Variants in CLOCK observed in about 807,000 individuals in gnomAD.
CLOCK encodes circadian locomoter output cycles protein kaput.
A neutral mutation model predicts 118.4 loss-of-function variants in CLOCK; 43 were observed. The observed-to-expected ratio is 0.36, with a 90% CI of 0.28 to 0.47. The LOEUF (loss-of-function observed/expected upper bound fraction) is 0.47. CLOCK is among the 20% of genes least tolerant of loss of function. The probability of loss-of-function intolerance (pLI) is 1.00; values close to 1 mark genes in which losing one functional copy is unlikely to be tolerated. For missense variants in CLOCK, 846 were observed against 999.9 expected, an observed-to-expected ratio of 0.85 and a Z score of 2.08; for synonymous variants, 326 against 339.2, an observed-to-expected ratio of 0.96 and a Z score of 0.43.
intron 18 of CLOCK, among the ~76,000 whole-genome samples, chr4:55,445,992 G>C (rs1723808921): frequency 2.0e-5 from 3 of 151,604 alleles, no homozygotes; most frequent in Non-Finnish European, 4.4e-5. Context: ...CAAATTTCTG[G>C]TATGCTTCTG....
intron 1 of CLOCK, among the ~76,000 whole-genome samples, chr4:55,519,787 AAAAT>A (rs1729747991): frequency 6.6e-6 from 1 of 152,108 alleles, no homozygotes; most frequent in African/African-American, 2.4e-5. Flanking sequence ...AAAAAAATAA[AAAAT>A]AAAAATAAAA....
intron 1 of CLOCK, among the ~76,000 whole-genome samples, chr4:55,540,152 C>T (rs1447802416): frequency 6.6e-6 from 1 of 151,792 alleles, no homozygotes; most frequent in Non-Finnish European, 1.5e-5. Flanking sequence ...GGATTACAGG[C>T]ACCCGCCACC....
chr4:55,512,332 T>C (rs559787359), intron 1 of CLOCK, among the ~76,000 whole-genome samples: 1 of 152,284 alleles, frequency 6.6e-6, no homozygotes, highest in Admixed American at 6.5e-5. Flanking sequence ...TGATGACAGA[T>C]GATATAGTGC....
intron 2 of CLOCK, among the ~76,000 whole-genome samples, chr4:55,504,501 C>A (rs1728670696): frequency 6.6e-6 from 1 of 151,966 alleles, no homozygotes; most frequent in Admixed American, 6.6e-5. Flanking sequence ...ATGTAACAGA[C>A]CCTTATTCTT....
intron 15 of CLOCK, among the ~76,000 whole-genome samples, chr4:55,450,974 C>T (rs1724390769): frequency 6.6e-6 from 1 of 151,938 alleles, no homozygotes; most frequent in Non-Finnish European, 1.5e-5. Context: ...TTCCCTTCAC[C>T]AATGTTTCTT....
intron 2 of CLOCK, among the ~76,000 whole-genome samples, chr4:55,508,962 A>G (rs1728977986): frequency 6.6e-6 from 1 of 152,178 alleles, no homozygotes; most frequent in Non-Finnish European, 1.5e-5. Flanking sequence ...TTCTATACCT[A>G]GATGGTATAG....
chr4:55,435,058 C>T lies in CLOCK; in HGVS notation c.*357G>A. The T allele has an allele frequency of 3.0e-6, 1 of 333,358 alleles. No homozygotes were observed. Among genetic ancestry groups the T allele is most frequent in the Non-Finnish European group, 5.9e-6 (1 of 169,854 alleles). 20.7% of individuals were successfully genotyped at this position (333,358 alleles called of 1,614,324 possible). A position where few individuals can be genotyped will look rare whatever the true frequency, so the allele number is the denominator to read the frequency against. ...CCTCTGTAACACTTGATAAGAGGCACAGAACCACTAAAAGTTACTAACATC... is the reference window on the plus strand; with the variant it reads ...CCTCTGTAACACTTGATAAGAGGCATAGAACCACTAAAAGTTACTAACATC... On this transcript the variant is annotated 3_prime_UTR_variant, in exon 23 of 23. Coordinates refer to ENST00000513440, the MANE Select transcript of CLOCK (RefSeq NM_004898.4).
rs1722501950 is a variant in CLOCK, at chr4:55,431,534, CCAAT to C, written c.*3877_*3880del. ...GTTTCTTCTCTACCATTCAAAAATT[CCAAT>C]CAGCTTGTCCTGGCTAGAAAGACTC... On this transcript the variant is annotated 3_prime_UTR_variant, in exon 23 of 23. Transcript: ENST00000513440. 1 of 139,958 alleles carries C rather than the reference CCAAT, an allele frequency of 7.1e-6. No individual in the cohort carries two copies. Among genetic ancestry groups the C allele is most frequent in the Non-Finnish European group, 1.5e-5 (1 of 67,900 alleles). The allele number at this position is 139,958 out of a possible 1,614,324, so 8.7% of individuals were successfully genotyped here. A position where few individuals can be genotyped will look rare whatever the true frequency, so the allele number is the denominator to read the frequency against.
chr4:55,476,233 G>C (rs1726501671), intron 6 of CLOCK, among the ~76,000 whole-genome samples, 179 bp from the exon 7 acceptor site: 1 of 152,116 alleles, frequency 6.6e-6, no homozygotes, highest in African/African-American at 2.4e-5. Flanking sequence ...AGATAACATG[G>C]CAAGTTATCT....
chr4:55,546,198 G>A (rs1249803055), intron 1 of CLOCK, among the ~76,000 whole-genome samples: 2 of 152,150 alleles, frequency 1.3e-5, no homozygotes, highest in Non-Finnish European at 2.9e-5. Context: ...CCCGGTCCCC[G>A]TCTTTCCCCG....
At chr4:55,544,508 G>A (rs1731481803) in intron 1 of CLOCK, among the ~76,000 whole-genome samples, 1 of 152,094 alleles carries the variant, frequency 6.6e-6, no homozygotes, top group African/African-American at 2.4e-5. Flanking sequence ...ATCTTTAAAA[G>A]ATAAATGCCT....
At chr4:55,469,455 T>C (rs1486135951) in intron 8 of CLOCK, among the ~76,000 whole-genome samples, 1 of 152,132 alleles carries the variant, frequency 6.6e-6, no homozygotes, top group East Asian at 1.9e-4. Context: ...TTAGGAGGTA[T>C]TTCAAAAGGG....
At chr4:55,489,109 G>A (rs1370405470) in intron 3 of CLOCK, among the ~76,000 whole-genome samples, 1 of 152,180 alleles carries the variant, frequency 6.6e-6, no homozygotes, top group East Asian at 1.9e-4. Context: ...TATTATTTGT[G>A]TTTCTCACTT....
At chr4:55,527,326 G>A (rs1730270428) in intron 1 of CLOCK, among the ~76,000 whole-genome samples, 1 of 152,088 alleles carries the variant, frequency 6.6e-6, no homozygotes, top group Non-Finnish European at 1.5e-5. Context: ...GTACATAGGA[G>A]TTCATTTTAC....
intron 2 of CLOCK, among the ~76,000 whole-genome samples, chr4:55,497,925 G>A (rs3805156): frequency 0.25 from 37,297 of 151,224 alleles, 4,920 homozygotes; most frequent in South Asian, 0.37. Context: ...TTTTTAAAAG[G>A]GCAAATGTAT....
intron 1 of CLOCK, among the ~76,000 whole-genome samples, chr4:55,535,175 CT>C (rs11309182): frequency 0.75 from 114,382 of 151,720 alleles, 43,435 homozygotes; most frequent in East Asian, 0.9. Context: ...AGAAAGACCT[CT>C]TTATCAGTAT....
intron 1 of CLOCK, among the ~76,000 whole-genome samples, chr4:55,530,541 G>C (rs1439366509): frequency 1.3e-5 from 2 of 151,232 alleles, no homozygotes; most frequent in East Asian, 3.9e-4. Flanking sequence ...TTGGGAGGCC[G>C]AGGAGGGTGG....
intron 8 of CLOCK, among the ~76,000 whole-genome samples, chr4:55,464,177 T>G (rs556499262): frequency 1.3e-5 from 2 of 152,234 alleles, no homozygotes. Context: ...TATAAAGGAC[T>G]ATGCACAAGC....
intron 2 of CLOCK, among the ~76,000 whole-genome samples, 159 bp from the exon 3 acceptor site, chr4:55,489,624 AT>A (rs1727536863): frequency 6.6e-6 from 1 of 152,190 alleles, no homozygotes; most frequent in South Asian, 2.1e-4. Flanking sequence ...AGAAAACAAA[AT>A]AACTTAAAAC....
Sources: allele counts gnomAD v4.1 joint callset (sites outside exome capture counted in the v4.1 genomes callset), GRCh38; gene constraint gnomAD v4.1.1; transcripts MANE v1.5; gene names NCBI Gene and HGNC (gene_info 2026-07-23, HGNC 2026-07-21).